The following SDK1 variants were observed in gnomAD, a reference collection of about 807,000 sequenced individuals.
SDK1 encodes the protein sidekick cell adhesion molecule 1.
SDK1 carries 157 observed loss-of-function variants against 245.5 expected under a neutral mutation model. The ratio of observed to expected loss-of-function variants is 0.64; its 90% CI spans 0.56 to 0.73. The LOEUF is 0.73. Ranked by LOEUF, SDK1 falls within the 30% of genes least tolerant of loss-of-function variation. SDK1 has a pLI of 0.00. For missense variants in SDK1, 3,583 were observed against 3,002.3 expected (o/e 1.19, Z -4.52); for synonymous variants, 1,647 against 1,278.5 (o/e 1.29, Z -6.15).
chr7:4,196,436 C>G (rs942123166), intron 35 of SDK1, among the ~76,000 whole-genome samples: 3 of 152,254 alleles, frequency 2.0e-5, no homozygotes, highest in Non-Finnish European at 2.9e-5. Context: ...AACCTCTGAT[C>G]TCTAAAGCCA....
chr7:3,439,957 A>C (rs1009301249), intron 1 of SDK1, among the ~76,000 whole-genome samples: 2 of 152,094 alleles, frequency 1.3e-5, no homozygotes, highest in Non-Finnish European at 2.9e-5. Context: ...TTATAGCTCT[A>C]TGGAGATATA....
In SDK1 at chr7:4,114,223, G is replaced by A. The variant is rs777487557; in HGVS notation, c.3772G>A (p.Val1258Ile). 22 of 1,613,178 alleles carry A rather than the reference G, an allele frequency of 1.4e-5. No homozygotes were observed. Among genetic ancestry groups the A allele is most frequent in the African/African-American group, 4.0e-5 (3 of 75,036 alleles). Reference protein sequence around the residue: ...YELQMQAFNAVGAGPWSEVVR... With the variant: ...YELQMQAFNAIGAGPWSEVVR... ...GCTGCAGATGCAGGCCTTCAACGCC[G>A]TCGGGGCTGGGCCGTGGAGCGAGGT... Residue 1258 changes from valine to isoleucine, a missense_variant, in exon 25 of 45, where the codon GTC becomes ATC. By Grantham distance (29) the Val-to-Ile change is conservative. Transcript: ENST00000404826.
chr7:3,525,059 G>T (rs1000969763), intron 1 of SDK1, among the ~76,000 whole-genome samples: 8 of 152,104 alleles, frequency 5.3e-5, no homozygotes, highest in South Asian at 2.1e-4. Context: ...AACTATTTAC[G>T]TAGCATTTAC....
At chr7:3,736,326 CT>C (rs1247863380) in intron 4 of SDK1, among the ~76,000 whole-genome samples, 1 of 152,164 alleles carries the variant, frequency 6.6e-6, no homozygotes, top group African/African-American at 2.4e-5. Context: ...CAGAGTCTTG[CT>C]CTGTCGCCCA....
rs149175001 is a variant in SDK1 at position 4,007,036 on chromosome 7, TC to T, written c.2132-3929del. On this transcript the variant is annotated intron_variant, in intron 14 of 44. Transcript: ENST00000404826. ...TGTCTCTTTCTGAAACGATGTTTGT[TC>T]ACTGTGCCTGACGGAGCAGGTGAAT... Among the ~76,000 whole-genome samples the T allele has an allele frequency of 3.8e-3, 586 of 152,366 alleles. 11 individuals carry two copies. The South Asian group carries it at 0.053, about 14-fold the overall frequency.
rs574431381 is a variant in SDK1, at chr7:3,821,144, C to T, written c.714-306C>T. 2.0e-4 allele frequency among the ~76,000 whole-genome samples: 31 copies of T among 152,230 alleles called. No individual in the cohort carries two copies. The South Asian group carries it at 6.4e-3, about 32-fold the overall frequency. On this transcript the variant is annotated intron_variant, in intron 4 of 44. Coordinates refer to ENST00000404826, the MANE Select transcript of SDK1 (RefSeq NM_152744.4). ...TGTTATGCATTCTCAGAGGAGGAAC[C>T]TCTGAGTTTTAATGAACTCTGGATG...
At chr7:4,018,087 C>T (rs1786564160) in intron 17 of SDK1, among the ~76,000 whole-genome samples, 1 of 152,238 alleles carries the variant, frequency 6.6e-6, no homozygotes, top group Non-Finnish European at 1.5e-5. Context: ...AACAGACCCT[C>T]TCCCAACACA....
At chr7:4,188,135 C>T (rs1176850597) in intron 35 of SDK1, among the ~76,000 whole-genome samples, 1 of 152,196 alleles carries the variant, frequency 6.6e-6, no homozygotes, top group Non-Finnish European at 1.5e-5. Flanking sequence ...ATTATGGGAG[C>T]TACAATTCAA....
chr7:4,173,702 A>G (rs1035099694), intron 32 of SDK1, among the ~76,000 whole-genome samples: 1 of 152,168 alleles, frequency 6.6e-6, no homozygotes, highest in Non-Finnish European at 1.5e-5. Flanking sequence ...GCGAGGGGCC[A>G]TGGGGATTCC....
chr7:3,880,918 T>A (rs1781194505), intron 5 of SDK1, among the ~76,000 whole-genome samples: 1 of 151,840 alleles, frequency 6.6e-6, no homozygotes, highest in Non-Finnish European at 1.5e-5. Context: ...AGGCGTCGAG[T>A]TCAGACTTCA....
intron 4 of SDK1, among the ~76,000 whole-genome samples, chr7:3,684,761 TGAA>T (rs2114988255): frequency 2.4e-5 from 1 of 40,870 alleles, no homozygotes; most frequent in East Asian, 5.1e-4. Context: ...TTGAAATAAA[TGAA>T]AAAAAAAAAT....
At chr7:3,503,688 A>T (rs560112836) in intron 1 of SDK1, among the ~76,000 whole-genome samples, 14 of 152,144 alleles carry the variant, frequency 9.2e-5, no homozygotes, top group African/African-American at 3.1e-4. Flanking sequence ...TTAAAAAAAC[A>T]AAACAAAATG....
intron 35 of SDK1, 113 bp from the exon 36 acceptor site, chr7:4,205,766 A>G (rs375402016): frequency 2.3e-6 from 2 of 854,522 alleles, no homozygotes; most frequent in East Asian, 2.7e-5. Flanking sequence ...AGAATCTCTC[A>G]CATGGTTCCC....
chr7:3,646,632 T>A (rs1782846465), intron 4 of SDK1, among the ~76,000 whole-genome samples: 1 of 152,242 alleles, frequency 6.6e-6, no homozygotes, highest in African/African-American at 2.4e-5. Context: ...GCCTGATTCT[T>A]TCCACTTTAT....
At position 3,884,326 on chromosome 7, in the gene SDK1, C is replaced by A. The variant is rs985049905; in HGVS notation, c.847+62743C>A. Among the ~76,000 whole-genome samples the A allele has an allele frequency of 1.3e-5, 2 of 152,138 alleles. 1 individual carries two copies. The highest frequency in any genetic ancestry group is 4.2e-4 in the South Asian group (2 of 4,818). ...ACTGAGGCTCAGTGAGGGCCTCTTGCGTTTGAAAGCCTTGTGTCTGGCGCA... is the reference window on the plus strand; with the variant it reads ...ACTGAGGCTCAGTGAGGGCCTCTTGAGTTTGAAAGCCTTGTGTCTGGCGCA... On this transcript the variant is annotated intron_variant, in intron 5 of 44. Coordinates refer to ENST00000404826, the MANE Select transcript of SDK1 (RefSeq NM_152744.4).
intron 1 of SDK1, among the ~76,000 whole-genome samples, chr7:3,490,002 G>C (rs182087029): frequency 1.3e-5 from 2 of 152,112 alleles, no homozygotes; most frequent in Non-Finnish European, 2.9e-5. Flanking sequence ...CGTGCTTACT[G>C]GTTATGTGTT....
At chr7:4,102,048 A>C (rs2128187522) in intron 22 of SDK1, among the ~76,000 whole-genome samples, 1 of 152,374 alleles carries the variant, frequency 6.6e-6, no homozygotes, top group East Asian at 1.9e-4. Context: ...CCGGAAAGAC[A>C]GAAGTCCCCA....
chr7:4,009,525 A>G (rs950102533), intron 14 of SDK1, among the ~76,000 whole-genome samples: 14 of 152,216 alleles, frequency 9.2e-5, no homozygotes, highest in Admixed American at 2.0e-4. Context: ...TTTTTAAAGG[A>G]GACACACAGA....
intron 1 of SDK1, among the ~76,000 whole-genome samples, chr7:3,532,858 T>A (rs1783395177): frequency 6.6e-6 from 1 of 151,844 alleles, no homozygotes; most frequent in Non-Finnish European, 1.5e-5. Context: ...TTCAGGCTCT[T>A]TTCGTCTTTA....
Sources: allele counts gnomAD v4.1 joint callset (sites outside exome capture counted in the v4.1 genomes callset), GRCh38; gene constraint gnomAD v4.1.1; transcripts MANE v1.5; gene names NCBI Gene and HGNC (gene_info 2026-07-23, HGNC 2026-07-21).